Variants in RGS22 observed in about 807,000 individuals in gnomAD.
RGS22 encodes the protein regulator of G protein signaling 22.
Under a neutral mutation model 172.9 loss-of-function variants are expected in RGS22, and 148 were observed. The ratio of observed to expected loss-of-function variants is 0.86; its 90% confidence interval spans 0.75 to 0.98. The LOEUF (loss-of-function observed/expected upper bound fraction) is 0.98, where lower values mean the gene tolerates loss of function less well. Among genes scored for constraint, RGS22 ranks in the 50% least tolerant of loss-of-function variants. The pLI, the probability that RGS22 is intolerant of heterozygous loss-of-function variation, is 0.00. For synonymous variants in RGS22, 458 were observed against 480.2 expected, an observed-to-expected ratio of 0.95 and a Z score of 0.60; for missense variants, 1,347 against 1,440.8, an observed-to-expected ratio of 0.93 and a Z score of 1.05.
In RGS22 at chr8:100,051,504, T is replaced by C; in HGVS notation, c.1689+1298A>G. Among the ~76,000 whole-genome samples, 3 of 61,288 alleles carry C rather than the reference T, an allele frequency of 4.9e-5. 1 individual carries two copies. Among genetic ancestry groups the C allele is most frequent in the African/African-American group, 1.9e-4 (3 of 15,848 alleles). The allele number at this position is 61,288 out of a possible 152,430, so 40.2% of individuals were successfully genotyped here. A position where few individuals can be genotyped will look rare whatever the true frequency, so the allele number is the denominator to read the frequency against. On this transcript the variant is annotated intron_variant, in intron 10 of 27. Transcript: ENST00000360863. ...ATATTTATATATAATATATAATAAA[T>C]ATATATAAATATATTTTTATATATT...
At chr8:100,037,805 A>G (rs1328350498) in intron 14 of RGS22, among the ~76,000 whole-genome samples, 1 of 152,190 alleles carries the variant, frequency 6.6e-6, no homozygotes, top group African/African-American at 2.4e-5. Context: ...AGGATTAACA[A>G]ACAGAATAGT....
Position 100,100,059 on chromosome 8 carries a change from A to G in RGS22, c.54+5315T>C, listed in dbSNP as rs146849353. On this transcript the variant is annotated intron_variant, in intron 2 of 27. Coordinates refer to ENST00000360863, the MANE Select transcript of RGS22 (RefSeq NM_015668.5). ...GACTGGAATTATGGACCTTTATTCT[A>G]TACAGTTGTCCCTTGGTATCCACAG... is the stretch of plus-strand genomic sequence containing the variant. Among the ~76,000 whole-genome samples, 1,069 of 152,258 alleles carry G rather than the reference A, an allele frequency of 7.0e-3. 8 individuals are homozygous for G. The highest frequency in any genetic ancestry group is 0.012 in the Non-Finnish European group (841 of 68,016).
Position 99,981,944 on chromosome 8 carries a change from T to G in RGS22, c.3353A>C (p.Glu1118Ala). Residue 1118 changes from glutamate to alanine, a missense_variant, in exon 22 of 28, where the codon GAG becomes GCG. Transcript: ENST00000360863. ...CATGCCCTGATCTCTTACCTGTGCC[T>G]CTCTAAATACATATGGTCCTAACTC... ...RKELGPYVFR[E>A]AQMTIFGVLF... 1 of 1,610,090 alleles carries G rather than the reference T, an allele frequency of 6.2e-7. No homozygotes were observed. Among genetic ancestry groups the G allele is most frequent in the Non-Finnish European group, 8.5e-7 (1 of 1,178,424 alleles).
At chr8:99,966,919 G>A (rs777299716) in intron 23 of RGS22, among the ~76,000 whole-genome samples, 2 of 152,226 alleles carry the variant, frequency 1.3e-5, no homozygotes, top group African/African-American at 2.4e-5. Flanking sequence ...GACTATTATA[G>A]GTACCTCATC....
chr8:100,088,183 A>C (rs1812300792), intron 3 of RGS22, among the ~76,000 whole-genome samples: 1 of 152,144 alleles, frequency 6.6e-6, no homozygotes, highest in African/African-American at 2.4e-5. Context: ...ACGGATTGTA[A>C]AAAGTGTGGA....
chr8:100,052,993 T>G lies in RGS22; in HGVS notation c.1515-17A>C. Reference sequence around the variant, plus strand: ...CTTGGTGCCCTGTTTATTGGAAAAATAAATGTAAGATTGAACTAAACAACA... The same window carrying G: ...CTTGGTGCCCTGTTTATTGGAAAAAGAAATGTAAGATTGAACTAAACAACA... On this transcript the variant is annotated splice_polypyrimidine_tract_variant and intron_variant, in intron 9 of 27. Transcript: ENST00000360863. 2 of 1,609,622 alleles carry G rather than the reference T, an allele frequency of 1.2e-6. No homozygotes were observed. The highest frequency in any genetic ancestry group is 1.7e-6 in the Non-Finnish European group (2 of 1,176,852).
At chr8:99,977,263 C>T (rs893541578) in intron 23 of RGS22, among the ~76,000 whole-genome samples, 1 of 149,956 alleles carries the variant, frequency 6.7e-6, no homozygotes, top group African/African-American at 2.5e-5. Context: ...GCTGCCACGC[C>T]CGGTTAATTT....
chr8:100,033,709 C>T (rs1819110049), intron 14 of RGS22, among the ~76,000 whole-genome samples: 1 of 150,480 alleles, frequency 6.6e-6, no homozygotes, highest in South Asian at 2.1e-4. Flanking sequence ...TGCGAAAATC[C>T]TCAATAAAAT....
Position 100,063,498 on chromosome 8 carries a change from C to G in RGS22, c.1270G>C (p.Gly424Arg). Residue 424 changes from glycine (G) to arginine (R), a missense_variant, in exon 8 of 28, where the codon GGT becomes CGT. Physicochemically the swap from Gly to Arg is moderately radical, Grantham distance 125 (BLOSUM62 -2). Transcript: ENST00000360863. ...CACCAATATCTCTCTCCCAATGTAC[C>G]TTTTATAAATTTCTTAAATCTTTCA... is the stretch of plus-strand genomic sequence containing the variant. ...EFERFKKFIK[G>R]TLGERYWWLW... is the part of the protein sequence containing the mutation. 6.2e-7 allele frequency: 1 copy of G among 1,613,584 alleles called. No homozygotes were observed. The highest frequency in any genetic ancestry group is 8.5e-7 in the Non-Finnish European group (1 of 1,179,636).
At chr8:100,034,703 C>T (rs958744837) in intron 14 of RGS22, among the ~76,000 whole-genome samples, 6 of 152,028 alleles carry the variant, frequency 3.9e-5, no homozygotes, top group East Asian at 1.9e-4. Flanking sequence ...TCACGCTATC[C>T]GACTTCAAAC....
At chr8:100,035,858 A>T (rs1420556727) in intron 14 of RGS22, among the ~76,000 whole-genome samples, 8 of 152,182 alleles carry the variant, frequency 5.3e-5, no homozygotes. Context: ...TATCACAAGG[A>T]CAGAAAACCA....
At chr8:100,026,951 C>G (rs953913001) in intron 14 of RGS22, among the ~76,000 whole-genome samples, 1 of 152,168 alleles carries the variant, frequency 6.6e-6, no homozygotes, top group South Asian at 2.1e-4. Context: ...ATTACCTGGT[C>G]GGGCATGGTG....
At chr8:100,028,863 G>C (rs530305835) in intron 14 of RGS22, among the ~76,000 whole-genome samples, 1 of 152,160 alleles carries the variant, frequency 6.6e-6, no homozygotes, top group South Asian at 2.1e-4. Context: ...CCAAGTATGG[G>C]CATAACATGT....
At chr8:99,985,202 C>T (rs1404797331) in intron 21 of RGS22, among the ~76,000 whole-genome samples, 1 of 152,156 alleles carries the variant, frequency 6.6e-6, no homozygotes, top group Non-Finnish European at 1.5e-5. Flanking sequence ...CCTTTCTGTG[C>T]ATTAGTTTCA....
chr8:100,088,526 C>T (rs1183894253), intron 3 of RGS22, among the ~76,000 whole-genome samples: 1 of 152,072 alleles, frequency 6.6e-6, no homozygotes, highest in Non-Finnish European at 1.5e-5. Context: ...CAAAAAACCT[C>T]CCAGACACCA....
intron 14 of RGS22, among the ~76,000 whole-genome samples, chr8:100,029,702 C>CAAAAAAAAA (rs369058108): frequency 4.5e-3 from 273 of 61,190 alleles, no homozygotes; most frequent in African/African-American, 5.6e-3. Flanking sequence ...AACTCCGTCT[C>CAAAAAAAAA]AAAAAAAAAA....
intron 10 of RGS22, among the ~76,000 whole-genome samples, chr8:100,049,373 A>C (rs1195855810): frequency 1.3e-5 from 2 of 152,196 alleles, no homozygotes; most frequent in Admixed American, 1.3e-4. Context: ...TGCCAAGGAG[A>C]CAGAGAGTGA....
In RGS22 at chr8:100,022,806, C is replaced by T. The variant is rs374213640; in HGVS notation, c.2167-14237G>A. Among the ~76,000 whole-genome samples, 19 of 152,030 alleles carry T rather than the reference C, an allele frequency of 1.2e-4. No homozygotes were observed. The South Asian group carries it at 2.5e-3, about 20-fold the overall frequency. ...TGTTACCCAGGTTGGAGTGCAGTGGCGCAGTCTCAGCTGACTGCAACCTCC... is the reference window on the plus strand; with the variant it reads ...TGTTACCCAGGTTGGAGTGCAGTGGTGCAGTCTCAGCTGACTGCAACCTCC... On this transcript the variant is annotated intron_variant, in intron 14 of 27. Transcript: ENST00000360863.
intron 2 of RGS22, among the ~76,000 whole-genome samples, chr8:100,105,038 A>G (rs1451766076): frequency 6.6e-6 from 1 of 152,246 alleles, no homozygotes; most frequent in East Asian, 1.9e-4. Context: ...GTTTACTCCA[A>G]CCAGGAAATG....
Sources: allele counts gnomAD v4.1 joint callset (sites outside exome capture counted in the v4.1 genomes callset), GRCh38; gene constraint gnomAD v4.1.1; transcripts MANE v1.5; gene names NCBI Gene and HGNC (gene_info 2026-07-23, HGNC 2026-07-21).